Variants in TANC2 observed in about 807,000 individuals in gnomAD.
TANC2 encodes tetratricopeptide repeat, ankyrin repeat and coiled-coil containing 2.
TANC2 carries 26 observed loss-of-function variants against 210.5 expected under a neutral mutation model. The observed-to-expected ratio is 0.12, with a 90% confidence interval of 0.09 to 0.17. The LOEUF (loss-of-function observed/expected upper bound fraction) is 0.17, where lower values mean the gene tolerates loss of function less well. TANC2 is among the 10% of genes least tolerant of loss of function. The pLI is 1.00. For missense variants in TANC2, 2,129 were observed against 2,608.9 expected, an observed-to-expected ratio of 0.82 and a Z score of 4.01; for synonymous variants, 931 against 967.1, an observed-to-expected ratio of 0.96 and a Z score of 0.69.
chr17:63,249,419 C>A lies in TANC2; in HGVS notation c.1033+11342C>A, dbSNP rs77316899. Among the ~76,000 whole-genome samples, 1,284 of 152,258 alleles carry A rather than the reference C, an allele frequency of 8.4e-3. 15 individuals carry two copies. Among genetic ancestry groups the A allele is most frequent in the African/African-American group, 0.028 (1,175 of 41,554 alleles). On this transcript the variant is annotated intron_variant, in intron 8 of 27. Coordinates refer to ENST00000689528, the Ensembl canonical transcript of TANC2. ...ATTATCAGAGTAGGCAGTCTACGGTCATCCTTGATGTCCAAAAATGAGATT... is the reference window on the plus strand; with the variant it reads ...ATTATCAGAGTAGGCAGTCTACGGTAATCCTTGATGTCCAAAAATGAGATT...
In TANC2 at chr17:63,407,858, A is replaced by T. The variant is rs75104821; in HGVS notation, c.3589+1581A>T. On this transcript the variant is annotated intron_variant, in intron 21 of 27. Transcript: ENST00000689528. ...TGTATTTAGGGAGAGGAAGTAACATAGATGAAAGGCCAAAGAGGAATGACA... is the reference window on the plus strand; with the variant it reads ...TGTATTTAGGGAGAGGAAGTAACATTGATGAAAGGCCAAAGAGGAATGACA... 5.5e-3 allele frequency among the ~76,000 whole-genome samples: 832 copies of T among 152,338 alleles called. 7 individuals are homozygous for T. Among genetic ancestry groups the T allele is most frequent in the African/African-American group, 0.018 (740 of 41,578 alleles).
At chr17:63,023,602 C>G (rs567820615) in intron 2 of TANC2, among the ~76,000 whole-genome samples, 2 of 152,258 alleles carry the variant, frequency 1.3e-5, no homozygotes, top group African/African-American at 4.8e-5. Flanking sequence ...TTTTGCTTCT[C>G]TCCTTTTTGG....
chr17:63,390,325 G>A (rs116006857), intron 17 of TANC2: 22 of 152,144 alleles, frequency 1.4e-4, no homozygotes, highest in Non-Finnish European at 2.9e-4. Context: ...GTGCTGTTAC[G>A]AGGGGAGAAA....
At chr17:63,185,741 A>C (rs1176101421) in intron 5 of TANC2, among the ~76,000 whole-genome samples, 1 of 152,114 alleles carries the variant, frequency 6.6e-6, no homozygotes, top group Admixed American at 6.5e-5. Context: ...TTTGATTTGC[A>C]TTTCCCAATA....
chr17:62,974,340 T>C (rs980012235), intron 1 of TANC2, among the ~76,000 whole-genome samples: 1 of 152,194 alleles, frequency 6.6e-6, no homozygotes, highest in Admixed American at 6.5e-5. Flanking sequence ...GAGAACAGCA[T>C]GTAGTAGAAT....
At chr17:63,150,361 CTCA>C (rs2039605878) in intron 4 of TANC2, 1 of 152,136 alleles carries the variant, frequency 6.6e-6, no homozygotes, top group Non-Finnish European at 1.5e-5. Flanking sequence ...CTAAGCAATC[CTCA>C]TATTTTAACT....
At chr17:63,408,167 A>G (rs1471878460) in intron 21 of TANC2, among the ~76,000 whole-genome samples, 1 of 152,234 alleles carries the variant, frequency 6.6e-6, no homozygotes, top group African/African-American at 2.4e-5. Context: ...TGAGGTCCTA[A>G]CCCAAGGGCA....
intron 1 of TANC2, chr17:63,004,930 G>C (rs1181427335): frequency 3.8e-6 from 1 of 263,078 alleles, no homozygotes; most frequent in African/African-American, 2.3e-5. Context: ...ATCTCGTTTA[G>C]TATCTATCCC....
chr17:63,148,363 A>T (rs191043271), intron 4 of TANC2: 16 of 152,314 alleles, frequency 1.1e-4, no homozygotes, highest in Admixed American at 1.0e-3. Flanking sequence ...ACATGTTTGG[A>T]ATTAGTTAAG....
chr17:63,123,775 TCACTGCAACCTCTGC>T (rs2038588913), intron 4 of TANC2, among the ~76,000 whole-genome samples: 7 of 111,612 alleles, frequency 6.3e-5, no homozygotes, highest in African/African-American at 2.8e-4. Flanking sequence ...CAACCTCTGC[TCACTGCAACCTCTGC>T]CTCCTGAGTT....
intron 4 of TANC2, among the ~76,000 whole-genome samples, chr17:63,123,202 G>C (rs569498748): frequency 1.3e-5 from 2 of 152,288 alleles, no homozygotes; most frequent in East Asian, 3.9e-4. Context: ...GAAAAGCTTA[G>C]ACAGATAGCT....
intron 1 of TANC2, among the ~76,000 whole-genome samples, chr17:63,003,671 A>G (rs1475793775): frequency 6.6e-6 from 1 of 152,244 alleles, no homozygotes; most frequent in African/African-American, 2.4e-5. Flanking sequence ...ACTGCAGATA[A>G]AGGGGGACTA....
chr17:63,190,630 G>T (rs2041152633), intron 5 of TANC2, among the ~76,000 whole-genome samples: 1 of 152,106 alleles, frequency 6.6e-6, no homozygotes, highest in African/African-American at 2.4e-5. Flanking sequence ...CTGGAATTTT[G>T]ATAAGGATTG....
intron 17 of TANC2, among the ~76,000 whole-genome samples, chr17:63,392,017 G>A (rs969162474): frequency 2.6e-5 from 4 of 152,080 alleles, no homozygotes; most frequent in Middle Eastern, 6.3e-3. Context: ...GTGAGCCACC[G>A]TGCTCGGCCA....
chr17:63,060,063 A>G (rs1376420729), intron 2 of TANC2, among the ~76,000 whole-genome samples: 1 of 152,218 alleles, frequency 6.6e-6, no homozygotes, highest in African/African-American at 2.4e-5. Flanking sequence ...GTACTTCTGT[A>G]CTACCTTCAT....
rs1485945056 is a variant in TANC2, at chr17:63,063,620, T to G, written c.68-10323T>G. On this transcript the variant is annotated intron_variant, in intron 2 of 27. Coordinates refer to ENST00000689528, the Ensembl canonical transcript of TANC2. ...TCACACTTCGTTACCCAGTATTGTG[T>G]GTGTGTGTGTGTAGAGATACATCTC... Among the ~76,000 whole-genome samples the G allele has an allele frequency of 2.7e-5, 4 of 150,652 alleles. No individual in the cohort carries two copies. The East Asian group carries it at 7.7e-4, about 29-fold the overall frequency.
At chr17:63,248,469 G>A (rs2042974371) in intron 8 of TANC2, among the ~76,000 whole-genome samples, 1 of 152,048 alleles carries the variant, frequency 6.6e-6, no homozygotes, top group African/African-American at 2.4e-5. Context: ...ATTTCTGTGT[G>A]ACTAATATAA....
chr17:63,202,922 C>CTA (rs956942643), intron 7 of TANC2, among the ~76,000 whole-genome samples: 2 of 152,024 alleles, frequency 1.3e-5, no homozygotes, highest in Non-Finnish European at 2.9e-5. Flanking sequence ...TTATATTCTG[C>CTA]TTTTTAAAAT....
chr17:63,367,641 G>T (rs939574945), intron 14 of TANC2, among the ~76,000 whole-genome samples: 4 of 152,182 alleles, frequency 2.6e-5, no homozygotes, highest in African/African-American at 9.7e-5. Flanking sequence ...GGAAGTATGG[G>T]TTGAATTCTG....
Sources: allele counts gnomAD v4.1 joint callset (sites outside exome capture counted in the v4.1 genomes callset), GRCh38; gene constraint gnomAD v4.1.1; transcripts MANE v1.5; gene names NCBI Gene and HGNC (gene_info 2026-07-23, HGNC 2026-07-21).